Variants in CDK12 observed in about 807,000 individuals in gnomAD.
CDK12 encodes cyclin-dependent kinase 12.
A neutral mutation model predicts 133.8 loss-of-function variants in CDK12; 17 were observed. The ratio of observed to expected loss-of-function variants is 0.13; its 90% CI spans 0.09 to 0.19. The LOEUF (loss-of-function observed/expected upper bound fraction) is 0.19. Among genes scored for constraint, CDK12 ranks in the 10% least tolerant of loss-of-function variants. The pLI, the probability that CDK12 is intolerant of heterozygous loss-of-function variation, is 1.00. For missense variants in CDK12, 1,508 were observed against 1,818.7 expected (o/e 0.83, Z 3.11); for synonymous variants, 694 against 683.6 (o/e 1.02, Z -0.24).
chr17:39,519,864 A>G (rs2054060231), intron 10 of CDK12, 92 bp from the exon 11 acceptor site: 3 of 1,483,224 alleles, frequency 2.0e-6, no homozygotes. Flanking sequence ...AAAGTGCTGG[A>G]ATTACAGGTG....
intron 2 of CDK12, among the ~76,000 whole-genome samples, chr17:39,487,008 A>C (rs1598009473): frequency 1.3e-5 from 2 of 151,452 alleles, no homozygotes; most frequent in East Asian, 3.9e-4. Context: ...ACTCCGTCTC[A>C]AAAAAAAAGA....
At chr17:39,504,350 A>G (rs1435162263) in intron 6 of CDK12, among the ~76,000 whole-genome samples, 1 of 152,200 alleles carries the variant, frequency 6.6e-6, no homozygotes, top group Non-Finnish European at 1.5e-5. Context: ...AGAGATGGTC[A>G]GAGAGATAGG....
chr17:39,515,847 T>C, intron 9 of CDK12, 39 bp downstream of exon 9: 2 of 1,321,736 alleles, frequency 1.5e-6, no homozygotes, highest in Non-Finnish European at 2.2e-6. Context: ...CCAGGTGTGA[T>C]AGGTATTCTC....
chr17:39,526,334 G>T lies in CDK12; in HGVS notation c.3760+18G>T. The T allele has an allele frequency of 6.5e-7, 1 of 1,548,372 alleles. No homozygotes were observed. Among genetic ancestry groups the T allele is most frequent in the South Asian group, 1.2e-5 (1 of 84,306 alleles). The stretch of plus-strand genomic sequence containing the variant: ...GGCAGCAGGTAAACAGACCGGTCAT[G>T]AATCTCATTGAGCTCAGGTGCTGTT... On this transcript the variant is annotated intron_variant, in intron 13 of 13. Transcript: ENST00000447079.
intron 1 of CDK12, among the ~76,000 whole-genome samples, chr17:39,465,251 TAAA>T (rs35826660): frequency 2.5e-5 from 3 of 121,278 alleles, no homozygotes; most frequent in Non-Finnish European, 4.9e-5. Context: ...GACTCAGTCT[TAAA>T]AAAAAAAAAA....
At position 39,471,345 on chromosome 17, in the gene CDK12, C is replaced by T. The variant is rs201624417; in HGVS notation, c.1513C>T (p.Pro505Ser). The change falls in exon 2 of 14, where the codon CCC becomes TCC. Residue 505 changes from proline (P) to serine (S), a missense_variant. Physicochemically the swap from Pro to Ser is moderately conservative, Grantham distance 74. This residue lies in a region of CDK12 where 347 missense variants were observed against 330.8 expected (regional missense o/e 1.05). Transcript: ENST00000447079. ...AGCACAGGGAACAAGAGACTCTAAA[C>T]CCATAGCACTGAAAGAGGAGATTGT... ...LKAQGTRDSK[P>S]IALKEEIVTP... The T allele has an allele frequency of 1.1e-4, 174 of 1,613,804 alleles. No homozygotes were observed. The highest frequency in any genetic ancestry group is 1.6e-4 in the Middle Eastern group (1 of 6,084).
intron 3 of CDK12, among the ~76,000 whole-genome samples, chr17:39,558,232 C>G (rs1206022799): frequency 6.6e-6 from 1 of 152,146 alleles, no homozygotes; most frequent in Non-Finnish European, 1.5e-5. Flanking sequence ...CTCAGACTCC[C>G]CAAGAAATCA....
At position 39,471,718 on chromosome 17, in the gene CDK12, C is replaced by T. The variant is rs868596372; in HGVS notation, c.1886C>T (p.Pro629Leu). 6.2e-7 allele frequency: 1 copy of T among 1,614,066 alleles called. No individual in the cohort carries two copies. Among genetic ancestry groups the T allele is most frequent in the East Asian group, 2.2e-5 (1 of 44,882 alleles). Residue 629 changes from proline to leucine, a missense_variant, in exon 2 of 14, where the codon CCT (proline) becomes CTT (leucine). This residue lies in a region of CDK12 where 347 missense variants were observed against 330.8 expected (regional missense o/e 1.05). Transcript: ENST00000447079. ...CACCTGAAAACTTCAACGTTGCCTC[C>T]TTTGCCCCTCCCACCCTTATTACCT... ...IPHLKTSTLP[P>L]LPLPPLLPGD... is the part of the protein sequence containing the mutation.
downstream of CDK12, among the ~76,000 whole-genome samples, chr17:39,539,119 A>C (rs796160460): frequency 3.2e-4 from 49 of 152,264 alleles, no homozygotes; most frequent in African/African-American, 1.1e-3. Context: ...ACTCATAAAT[A>C]ACTTCTCCAT....
chr17:39,531,799 G>T lies in CDK12; in HGVS notation c.*483G>T. ...AAAGAGAATAGTGTTCACAAAATTT[G>T]AGCTGCTCTTTGGCTTTTGCTATAA... On this transcript the variant is annotated 3_prime_UTR_variant, in exon 14 of 14. Transcript: ENST00000447079. 4.3e-6 allele frequency: 1 copy of T among 234,378 alleles called. No homozygotes were observed. Among genetic ancestry groups the T allele is most frequent in the Non-Finnish European group, 8.4e-6 (1 of 118,530 alleles). The allele number at this position is 234,378 out of a possible 1,614,324, so 14.5% of individuals were successfully genotyped here. A position where few individuals can be genotyped will look rare whatever the true frequency, so the allele number is the denominator to read the frequency against.
intron 10 of CDK12, among the ~76,000 whole-genome samples, chr17:39,519,049 G>A (rs766642913): frequency 1.8e-4 from 27 of 149,910 alleles, no homozygotes; most frequent in Non-Finnish European, 3.0e-4. Context: ...TTACTGGCAC[G>A]TGCCACCACA....
intron 2 of CDK12, among the ~76,000 whole-genome samples, chr17:39,482,820 T>C (rs1241376921): frequency 6.6e-6 from 1 of 151,862 alleles, no homozygotes; most frequent in Non-Finnish European, 1.5e-5. Flanking sequence ...TAGGCTGTTA[T>C]CTAACTCCTG....
intron 3 of CDK12, among the ~76,000 whole-genome samples, chr17:39,562,470 C>T (rs1359537798): frequency 6.6e-6 from 1 of 152,134 alleles, no homozygotes; most frequent in Non-Finnish European, 1.5e-5. Flanking sequence ...CTCAAGACCC[C>T]TCCCTGCCTT....
chr17:39,471,318 A>C lies in CDK12; in HGVS notation c.1486A>C (p.Lys496Gln). ...CGAGAAGCATCTTGTTAAAGATTTG[A>C]AAGCACAGGGAACAAGAGACTCTAA... ...NSEKHLVKDLKAQGTRDSKPI... is the reference protein window; with the variant it reads ...NSEKHLVKDLQAQGTRDSKPI... The change falls in exon 2 of 14, where the codon AAA becomes CAA. Residue 496 changes from lysine to glutamine, a missense_variant. This residue lies in a region of CDK12 where 347 missense variants were observed against 330.8 expected (regional missense o/e 1.05). Transcript: ENST00000447079. 6.2e-7 allele frequency: 1 copy of C among 1,613,940 alleles called. No homozygotes were observed. Among genetic ancestry groups the C allele is most frequent in the Non-Finnish European group, 8.5e-7 (1 of 1,179,858 alleles).
At chr17:39,535,769 C>T (rs1368947809), downstream of CDK12, among the ~76,000 whole-genome samples, 1 of 152,164 alleles carries the variant, frequency 6.6e-6, no homozygotes, top group African/African-American at 2.4e-5. Flanking sequence ...AGTTAATGCT[C>T]TTGGTGCTGA....
In CDK12 at chr17:39,501,438, A is replaced by G. The variant is rs2146146291; in HGVS notation, c.2608A>G (p.Ser870Gly). 6.2e-7 allele frequency: 1 copy of G among 1,602,476 alleles called. No homozygotes were observed. The highest frequency in any genetic ancestry group is 8.5e-7 in the Non-Finnish European group (1 of 1,173,520). ...GTGTTCTAACATTTTGCTGAATAAC[A>G]GGTAACATAGTAACCAAATAAGATT... is the stretch of plus-strand genomic sequence containing the variant. ...IKCSNILLNN[S>G]GQIKLADFGL... Residue 870 changes from serine to glycine, a missense_variant and splice_region_variant, in exon 6 of 14, where the codon AGT becomes GGT. Transcript: ENST00000447079.
intron 8 of CDK12, among the ~76,000 whole-genome samples, chr17:39,513,059 A>G (rs1226707697): frequency 2.0e-5 from 3 of 152,188 alleles, no homozygotes; most frequent in African/African-American, 7.2e-5. Flanking sequence ...TTTGGTTCCA[A>G]GCTTGTCCTG....
chr17:39,513,257 T>G (rs193047473), intron 8 of CDK12, among the ~76,000 whole-genome samples: 14 of 152,370 alleles, frequency 9.2e-5, no homozygotes, highest in Non-Finnish European at 2.9e-5. Context: ...TTGACCTTTA[T>G]ACTTTACAAT....
intron 6 of CDK12, among the ~76,000 whole-genome samples, chr17:39,508,345 C>T (rs1206859238): frequency 3.3e-5 from 5 of 152,030 alleles, no homozygotes; most frequent in Non-Finnish European, 7.4e-5. Flanking sequence ...TTTCATGTCC[C>T]AAGAAGTAGC....
Sources: allele counts gnomAD v4.1 joint callset (sites outside exome capture counted in the v4.1 genomes callset), GRCh38; gene constraint gnomAD v4.1.1; regional missense constraint gnomAD v4.1.1; transcripts MANE v1.5; gene names NCBI Gene and HGNC (gene_info 2026-07-23, HGNC 2026-07-21).